Variants in DPP10 observed in about 807,000 individuals in gnomAD.
DPP10 encodes the protein dipeptidyl peptidase like 10, also known as inactive dipeptidyl peptidase 10.
DPP10 carries 33 observed loss-of-function variants against 120.9 expected under a neutral mutation model. The ratio of observed to expected loss-of-function variants is 0.27; its 90% CI spans 0.21 to 0.37. DPP10 has a LOEUF of 0.37. Ranked by LOEUF, DPP10 falls within the 10% of genes least tolerant of loss-of-function variation. The pLI, the probability that DPP10 is intolerant of heterozygous loss-of-function variation, is 1.00. For missense variants in DPP10, 816 were observed against 942.8 expected (o/e 0.87, Z 1.76); for synonymous variants, 337 against 326.1 (o/e 1.03, Z -0.36).
chr2:115,797,268 A>G (rs1452555992), intron 19 of DPP10, among the ~76,000 whole-genome samples: 1 of 151,992 alleles, frequency 6.6e-6, no homozygotes, highest in Non-Finnish European at 1.5e-5. Context: ...ACTTTGTGGG[A>G]AGTCTTTTCT....
intron 1 of DPP10, among the ~76,000 whole-genome samples, chr2:115,104,730 A>G (rs950219781): frequency 1.3e-5 from 2 of 152,188 alleles, no homozygotes; most frequent in Non-Finnish European, 2.9e-5. Context: ...TGTTTTGGCC[A>G]GGCGCGGTGG....
chr2:114,735,385 C>T (rs552432410), intron 1 of DPP10, among the ~76,000 whole-genome samples: 1 of 152,072 alleles, frequency 6.6e-6, no homozygotes, highest in Non-Finnish European at 1.5e-5. Flanking sequence ...TTGGGGTAGC[C>T]CTATTTTGGT....
chr2:114,721,095 C>T (rs1245453976), intron 1 of DPP10, among the ~76,000 whole-genome samples: 1 of 152,238 alleles, frequency 6.6e-6, no homozygotes, highest in Non-Finnish European at 1.5e-5. Flanking sequence ...GGTAGACTTC[C>T]AGTGCCTAGA....
At chr2:115,145,116 G>C (rs1035694924) in intron 1 of DPP10, 7 of 151,790 alleles carry the variant, frequency 4.6e-5, no homozygotes, top group African/African-American at 1.7e-4. Context: ...TCCTTTCTTG[G>C]CTTTGATTCT....
At chr2:115,512,286 G>A (rs574734486) in intron 4 of DPP10, among the ~76,000 whole-genome samples, 2 of 151,944 alleles carry the variant, frequency 1.3e-5, no homozygotes, top group Admixed American at 1.3e-4. Context: ...TTTTTTGTTA[G>A]ATTGTGTCAT....
intron 1 of DPP10, among the ~76,000 whole-genome samples, chr2:114,783,278 G>C (rs559742886): frequency 6.6e-6 from 1 of 152,128 alleles, no homozygotes; most frequent in Non-Finnish European, 1.5e-5. Context: ...ATGTAACCTA[G>C]AAACAAATGA....
At chr2:115,264,256 G>A (rs775887816) in intron 1 of DPP10, among the ~76,000 whole-genome samples, 1 of 152,110 alleles carries the variant, frequency 6.6e-6, no homozygotes, top group African/African-American at 2.4e-5. Flanking sequence ...GATGCAAAAT[G>A]TCAATTGACT....
At chr2:115,476,327 C>T (rs1166252826) in intron 3 of DPP10, among the ~76,000 whole-genome samples, 1 of 152,118 alleles carries the variant, frequency 6.6e-6, no homozygotes, top group African/African-American at 2.4e-5. Context: ...GTAAGACATG[C>T]CTGCTCCCCC....
intron 1 of DPP10, among the ~76,000 whole-genome samples, chr2:114,873,959 G>T (rs564989273): frequency 2.0e-5 from 3 of 152,260 alleles, no homozygotes; most frequent in South Asian, 2.1e-4. Flanking sequence ...CCTGCTCAAC[G>T]AACTCAATCT....
intron 1 of DPP10, among the ~76,000 whole-genome samples, chr2:114,900,032 G>T (rs956698306): frequency 3.3e-5 from 5 of 152,194 alleles, no homozygotes; most frequent in African/African-American, 1.2e-4. Flanking sequence ...TTTCAATGCT[G>T]TATAACAATT....
At chr2:115,656,802 C>A (rs1261568637) in intron 5 of DPP10, among the ~76,000 whole-genome samples, 1 of 151,722 alleles carries the variant, frequency 6.6e-6, no homozygotes, top group East Asian at 1.9e-4. Context: ...GGAAGGTTTG[C>A]TTATTTATTT....
At chr2:115,571,678 G>A (rs1188642180) in intron 5 of DPP10, among the ~76,000 whole-genome samples, 1 of 148,216 alleles carries the variant, frequency 6.7e-6, no homozygotes, top group Non-Finnish European at 1.5e-5. Flanking sequence ...AAAACAACTT[G>A]TAGAGTTGTT....
At chr2:115,076,531 G>A (rs1030347442) in intron 1 of DPP10, among the ~76,000 whole-genome samples, 5 of 152,016 alleles carry the variant, frequency 3.3e-5, no homozygotes, top group African/African-American at 1.2e-4. Context: ...ACATAATTAT[G>A]TATTGATAAG....
chr2:115,498,520 A>T (rs2076520793), intron 3 of DPP10, among the ~76,000 whole-genome samples: 1 of 151,882 alleles, frequency 6.6e-6, no homozygotes, highest in African/African-American at 2.4e-5. Flanking sequence ...ATAAGTAGTG[A>T]ATCTAATCTC....
chr2:114,565,254 G>A (rs566184547), intron 1 of DPP10, among the ~76,000 whole-genome samples: 1 of 152,256 alleles, frequency 6.6e-6, no homozygotes, highest in Non-Finnish European at 1.5e-5. Flanking sequence ...AACAGCTGCT[G>A]GGCTTCTCTT....
chr2:115,758,303 A>T (rs1679678711), intron 11 of DPP10, among the ~76,000 whole-genome samples: 1 of 150,642 alleles, frequency 6.6e-6, no homozygotes, highest in Non-Finnish European at 1.5e-5. Flanking sequence ...AACAAAACAT[A>T]ATTTCTAAAT....
At chr2:115,555,831 G>A (rs945318224) in intron 5 of DPP10, among the ~76,000 whole-genome samples, 1 of 151,768 alleles carries the variant, frequency 6.6e-6, no homozygotes, top group African/African-American at 2.4e-5. Context: ...ATAATAAATC[G>A]TATAACCTAT....
At chr2:115,331,953 A>C (rs1223785326) in intron 2 of DPP10, among the ~76,000 whole-genome samples, 1 of 152,064 alleles carries the variant, frequency 6.6e-6, no homozygotes, top group Non-Finnish European at 1.5e-5. Flanking sequence ...TGAGTTAGGG[A>C]GGATTCTCTC....
chr2:114,817,742 C>A (rs1255590187), intron 1 of DPP10, among the ~76,000 whole-genome samples: 1 of 152,156 alleles, frequency 6.6e-6, no homozygotes, highest in African/African-American at 2.4e-5. Context: ...AGAAACATAA[C>A]AGGCACAGTA....
Sources: allele counts gnomAD v4.1 joint callset (sites outside exome capture counted in the v4.1 genomes callset), GRCh38; gene constraint gnomAD v4.1.1; transcripts MANE v1.5; gene names NCBI Gene and HGNC (gene_info 2026-07-23, HGNC 2026-07-21).